Variants in POLR3C observed in about 807,000 individuals in gnomAD.
POLR3C encodes the protein RNA polymerase III subunit C.
Under a neutral mutation model 65.9 loss-of-function variants are expected in POLR3C, and 44 were observed. The ratio of observed to expected loss-of-function variants is 0.67; its 90% CI spans 0.52 to 0.86. The LOEUF (loss-of-function observed/expected upper bound fraction) is 0.86, where lower values mean the gene tolerates loss of function less well. Among genes scored for constraint, POLR3C ranks in the 40% least tolerant of loss-of-function variants. The probability of loss-of-function intolerance (pLI) is 0.00; values close to 1 mark genes in which losing one functional copy is unlikely to be tolerated. For missense variants in POLR3C, 576 were observed against 653.2 expected, an observed-to-expected ratio of 0.88 and a Z score of 1.29; for synonymous variants, 263 against 231.6, an observed-to-expected ratio of 1.14 and a Z score of -1.23.
At position 145,843,574 on chromosome 1, in the gene POLR3C, G is replaced by A. The variant is rs1192873438; in HGVS notation, c.*1154G>A. ...GCTAAGTACTGGGGTAAGCCTTGGG[G>A]ATATAAAGATTAATAAATTTTGAGC... On this transcript the variant is annotated 3_prime_UTR_variant, in exon 15 of 15. Coordinates refer to ENST00000334163, the MANE Select transcript of POLR3C (RefSeq NM_006468.8). 6.6e-6 allele frequency among the ~76,000 whole-genome samples: 1 copy of A among 152,120 alleles called. No individual in the cohort carries two copies. The highest frequency in any genetic ancestry group is 1.5e-5 in the Non-Finnish European group (1 of 68,028).
At chr1:145,825,403 G>A (rs996746272) in intron 1 of POLR3C, among the ~76,000 whole-genome samples, 5 of 152,098 alleles carry the variant, frequency 3.3e-5, no homozygotes, top group Non-Finnish European at 7.3e-5. Context: ...GAGCCACCGC[G>A]CCAGCCTATT....
At chr1:145,839,501 T>A (rs782582281) in intron 11 of POLR3C, 1 of 166,742 alleles carries the variant, frequency 6.0e-6, no homozygotes, top group Non-Finnish European at 1.3e-5. Flanking sequence ...CAAGGCGGGA[T>A]GATCACTTGA....
At position 145,836,583 on chromosome 1, in the gene POLR3C, G is replaced by C. The variant is rs1201306429; in HGVS notation, c.957+9G>C. 5 of 1,580,172 alleles carry C rather than the reference G, an allele frequency of 3.2e-6. No individual in the cohort carries two copies. Among genetic ancestry groups the C allele is most frequent in the Non-Finnish European group, 4.4e-6 (5 of 1,149,344 alleles). On this transcript the variant is annotated intron_variant, in intron 8 of 14. Coordinates refer to ENST00000334163, the MANE Select transcript of POLR3C (RefSeq NM_006468.8). Reference sequence around the variant, plus strand: ...TGCTGGCAGATGATCCAGTAAGTCTGTTTTTGCTTTTTTTCTTTTTTCTTT... The same window carrying C: ...TGCTGGCAGATGATCCAGTAAGTCTCTTTTTGCTTTTTTTCTTTTTTCTTT...
rs781884594 is a variant in POLR3C, at chr1:145,826,668, T to C, written c.362T>C (p.Val121Ala). 1.2e-6 allele frequency: 2 copies of C among 1,614,144 alleles called. No homozygotes were observed. The highest frequency in any genetic ancestry group is 1.1e-5 in the South Asian group (1 of 91,072). Reference protein sequence around the residue: ...LLNGKLTMSAVVKKVADRLTE... With the variant: ...LLNGKLTMSAAVKKVADRLTE... Reference sequence around the variant, plus strand: ...AACGGCAAACTGACAATGTCAGCTGTTGTGAAGAAAGTGGCAGACCGGCTC... The same window carrying C: ...AACGGCAAACTGACAATGTCAGCTGCTGTGAAGAAAGTGGCAGACCGGCTC... The change falls in exon 3 of 15, where the codon GTT (valine) becomes GCT (alanine). Residue 121 changes from valine (V) to alanine (A), a missense_variant. By Grantham distance (64) the Val-to-Ala change is moderately conservative. Transcript: ENST00000334163.
chr1:145,825,666 C>G (rs1437080898), intron 1 of POLR3C, 91 bp from the exon 2 acceptor site: 1 of 664,270 alleles, frequency 1.5e-6, no homozygotes, highest in Admixed American at 3.4e-5. Context: ...GTCAAATTGC[C>G]CTCCAGAAAG....
At chr1:145,841,288 G>A (rs1379643498) in intron 14 of POLR3C, among the ~76,000 whole-genome samples, 1 of 152,176 alleles carries the variant, frequency 6.6e-6, no homozygotes, top group African/African-American at 2.4e-5. Flanking sequence ...TGTTCATCAA[G>A]TACTGATAAA....
chr1:145,837,651 T>A, intron 10 of POLR3C, 55 bp downstream of exon 10: 1 of 1,145,728 alleles, frequency 8.7e-7, no homozygotes, highest in Non-Finnish European at 1.3e-6. Flanking sequence ...CCCAGTGAAG[T>A]AATTTGATCA....
intron 13 of POLR3C, 102 bp downstream of exon 13, chr1:145,840,267 G>A: frequency 2.6e-6 from 2 of 777,872 alleles, no homozygotes; most frequent in Non-Finnish European, 4.5e-6. Flanking sequence ...GGGCCTGGCA[G>A]GGTGGCTCAT....
chr1:145,827,133 AT>A, intron 4 of POLR3C, 128 bp downstream of exon 4: 1 of 789,614 alleles, frequency 1.3e-6, no homozygotes, highest in East Asian at 2.5e-5. Flanking sequence ...GTGTATAACA[AT>A]GAAAAAATCA....
intron 2 of POLR3C, 114 bp from the exon 3 acceptor site, chr1:145,826,340 A>C (rs1650741714): frequency 1.2e-6 from 1 of 825,592 alleles, no homozygotes; most frequent in South Asian, 1.6e-5. Context: ...ATAAGTGCAG[A>C]AATTATCTAG....
Position 145,842,876 on chromosome 1 carries a change from A to C in POLR3C, c.*456A>C, listed in dbSNP as rs1652401019. Among the ~76,000 whole-genome samples, 1 of 149,362 alleles carries C rather than the reference A, an allele frequency of 6.7e-6. No homozygotes were observed. The highest frequency in any genetic ancestry group is 1.5e-5 in the Non-Finnish European group (1 of 67,978). On this transcript the variant is annotated 3_prime_UTR_variant, in exon 15 of 15. Coordinates refer to ENST00000334163, the MANE Select transcript of POLR3C (RefSeq NM_006468.8). ...CACTCAGGCTGGGGTGTAATAGCGC[A>C]ATCACAGCTCCCTACAGCCTTGACC...
At chr1:145,834,870 T>G (rs1553728141) in intron 7 of POLR3C, among the ~76,000 whole-genome samples, 2 of 152,096 alleles carry the variant, frequency 1.3e-5, no homozygotes, top group Admixed American at 1.3e-4. Flanking sequence ...CCAGGTGCAG[T>G]GACTCACACT....
At chr1:145,831,215 C>T (rs1181235493) in intron 5 of POLR3C, among the ~76,000 whole-genome samples, 1 of 152,004 alleles carries the variant, frequency 6.6e-6, no homozygotes, top group Non-Finnish European at 1.5e-5. Flanking sequence ...GCATCTGGAG[C>T]ATAATAGAGA....
At chr1:145,827,217 G>A (rs971685893) in intron 4 of POLR3C, among the ~76,000 whole-genome samples, 1 of 152,150 alleles carries the variant, frequency 6.6e-6, no homozygotes, top group Non-Finnish European at 1.5e-5. Context: ...ATCATTAAAC[G>A]GTGATAAGTA....
chr1:145,833,660 T>A (rs1423676913), intron 7 of POLR3C, 78 bp downstream of exon 7: 1 of 986,936 alleles, frequency 1.0e-6, no homozygotes, highest in African/African-American at 1.6e-5. Flanking sequence ...AGATCCTGAG[T>A]TTGGGTTGAG....
At position 145,843,057 on chromosome 1, in the gene POLR3C, A is replaced by T. The variant is rs149383638; in HGVS notation, c.*637A>T. ...CCAGGCTGATGAACTGTAATTTTTA[A>T]CACACACAGTGTAGGGAATGTGAAA... is the stretch of plus-strand genomic sequence containing the variant. On this transcript the variant is annotated 3_prime_UTR_variant, in exon 15 of 15. Transcript: ENST00000334163. 6.6e-6 allele frequency among the ~76,000 whole-genome samples: 1 copy of T among 152,216 alleles called. No homozygotes were observed. The highest frequency in any genetic ancestry group is 1.5e-5 in the Non-Finnish European group (1 of 68,008).
chr1:145,826,411 C>T, intron 2 of POLR3C, 43 bp from the exon 3 acceptor site: 1 of 1,598,422 alleles, frequency 6.3e-7, no homozygotes, highest in African/African-American at 1.3e-5. Context: ...TGAGCTATAT[C>T]TTCAGGTCTT....
intron 1 of POLR3C, chr1:145,824,650 A>C: frequency 1.7e-6 from 1 of 591,178 alleles, no homozygotes. Flanking sequence ...AATTTGTAAT[A>C]AGGAAGTAAT....
chr1:145,833,153 A>G (rs1471516333), intron 5 of POLR3C, 107 bp from the exon 6 acceptor site: 5 of 670,992 alleles, frequency 7.5e-6, no homozygotes, highest in African/African-American at 1.8e-5. Flanking sequence ...TTTCCAACCA[A>G]TGTAATTGTT....
Sources: gnomAD v4.1 joint callset for allele counts (sites outside exome capture counted in the v4.1 genomes callset) on GRCh38, gnomAD v4.1.1 for gene constraint, MANE v1.5 for transcripts, NCBI Gene and HGNC (gene_info 2026-07-23, HGNC 2026-07-21) for gene names.